The following KIFC3 variants were observed in gnomAD, a reference collection of about 807,000 sequenced individuals.
KIFC3 encodes the protein kinesin-like protein KIFC3.
In KIFC3, 60 loss-of-function variants were observed where a neutral mutation model predicts 101.8. The observed-to-expected ratio is 0.59, with a 90% CI of 0.48 to 0.73. The LOEUF is 0.73. Ranked by LOEUF, KIFC3 falls within the 30% of genes least tolerant of loss-of-function variation. The pLI, the probability that KIFC3 is intolerant of heterozygous loss-of-function variation, is 0.00. For missense variants in KIFC3, 966 were observed against 1,137.1 expected (o/e 0.85, Z 2.16); for synonymous variants, 476 against 482.7 (o/e 0.99, Z 0.18).
chr16:57,791,578 C>T (rs1289822788), intron 3 of KIFC3, among the ~76,000 whole-genome samples: 1 of 152,174 alleles, frequency 6.6e-6, no homozygotes, highest in African/African-American at 2.4e-5. Context: ...AAGCACCTAC[C>T]GCATAATGGA....
In KIFC3 at chr16:57,770,592, C is replaced by A; in HGVS notation, c.874G>T (p.Val292Leu). 1 of 1,530,992 alleles carries A rather than the reference C, an allele frequency of 6.5e-7. No homozygotes were observed. The highest frequency in any genetic ancestry group is 8.8e-7 in the Non-Finnish European group (1 of 1,137,854). The allele number at this position is 1,530,992 out of a possible 1,614,324, so 94.8% of individuals were successfully genotyped here. A position where few individuals can be genotyped will look rare whatever the true frequency, so the allele number is the denominator to read the frequency against. Residue 292 changes from valine to leucine, a missense_variant, in exon 7 of 20, where the codon GTG (valine) becomes TTG (leucine). By Grantham distance (32) the Val-to-Leu change is conservative. Around this residue, in one of 2 missense-constraint regions of KIFC3, gnomAD observed 689 missense variants for 884.6 expected, o/e 0.78. Transcript: ENST00000445690. Reference protein sequence around the residue: ...LQEQVAMQRQVLKEMEQQLQS... With the variant: ...LQEQVAMQRQLLKEMEQQLQS... The stretch of plus-strand genomic sequence containing the variant: ...AGCTGCTGTTCCATCTCCTTCAGCA[C>A]CTGCCTCTGCATAGCCACCTGCTCC...
chr16:57,832,052 G>A (rs568312422), intron 1 of KIFC3, among the ~76,000 whole-genome samples: 3 of 151,994 alleles, frequency 2.0e-5, no homozygotes, highest in East Asian at 1.9e-4. Flanking sequence ...ACAGAGTCTC[G>A]TTCTGTCACC....
upstream of KIFC3, among the ~76,000 whole-genome samples, chr16:57,808,116 T>G (rs2054984394): frequency 6.6e-6 from 1 of 152,134 alleles, no homozygotes; most frequent in Non-Finnish European, 1.5e-5. Context: ...AGGAGGAATT[T>G]GGCGGAGATT....
intron 1 of KIFC3, among the ~76,000 whole-genome samples, chr16:57,799,473 C>T (rs2054583351): frequency 1.3e-5 from 2 of 152,188 alleles, no homozygotes; most frequent in African/African-American, 4.8e-5. Context: ...TCCACCTCCC[C>T]TGACCCACTA....
chr16:57,822,340 C>G (rs782359837), intron 1 of KIFC3, among the ~76,000 whole-genome samples: 2 of 152,186 alleles, frequency 1.3e-5, no homozygotes, highest in Non-Finnish European at 2.9e-5. Flanking sequence ...AGTAGCTGCT[C>G]AATACATGGG....
In KIFC3 at chr16:57,772,490, G is replaced by A. The variant is rs565040703; in HGVS notation, c.316-202C>T. On this transcript the variant is annotated intron_variant, in intron 3 of 19. Coordinates refer to ENST00000445690, the MANE Select transcript of KIFC3 (RefSeq NM_001130100.2). ...CCTGGGCTGGTGCTGACAGCCTCCC[G>A]CACCCTCTCCCTCCACAGGACAGAG... is the stretch of plus-strand genomic sequence containing the variant. The A allele has an allele frequency of 5.0e-5, 26 of 521,840 alleles. 1 individual carries two copies. The East Asian group carries it at 6.0e-4, about 12-fold the overall frequency. 32.3% of individuals were successfully genotyped at this position (521,840 alleles called of 1,614,324 possible).
chr16:57,759,019 A>T (rs2049471726), intron 19 of KIFC3, 106 bp downstream of exon 19: 1 of 1,528,910 alleles, frequency 6.5e-7, no homozygotes. Context: ...GACAAGCGAC[A>T]GCAGGGGCTA....
chr16:57,793,760 C>T (rs1254987796), intron 3 of KIFC3, among the ~76,000 whole-genome samples: 1 of 148,974 alleles, frequency 6.7e-6, no homozygotes, highest in African/African-American at 2.5e-5. Context: ...ACCCGGGAGG[C>T]GGATATTACA....
chr16:57,860,060 A>T (rs150011967), intron 1 of KIFC3, among the ~76,000 whole-genome samples: 63 of 128,558 alleles, frequency 4.9e-4, no homozygotes, highest in Non-Finnish European at 5.8e-4. Context: ...AATAAAATAA[A>T]ATAAAATAAA....
chr16:57,814,051 C>T (rs1555628311), intron 1 of KIFC3, among the ~76,000 whole-genome samples: 2 of 152,162 alleles, frequency 1.3e-5, no homozygotes. Context: ...CTCTCAAGGG[C>T]ACAGTCAATG....
At chr16:57,780,926 C>T (rs1414784916) in intron 3 of KIFC3, among the ~76,000 whole-genome samples, 2 of 151,936 alleles carry the variant, frequency 1.3e-5, no homozygotes, top group East Asian at 1.9e-4. Context: ...CTGCCCACCT[C>T]GGCCTCCCAA....
At chr16:57,857,458 A>T (rs2056195777) in intron 1 of KIFC3, among the ~76,000 whole-genome samples, 1 of 150,918 alleles carries the variant, frequency 6.6e-6, no homozygotes, top group African/African-American at 2.4e-5. Context: ...CAGGTTTGTT[A>T]CATAGGTATA....
In KIFC3 at chr16:57,771,603, G is replaced by A. The variant is rs781848371; in HGVS notation, c.465C>T (p.Ala155=). The change falls in exon 5 of 20, where the codon GCC becomes GCT. Residue 155 remains alanine (A), a synonymous_variant. Coordinates refer to ENST00000445690, the MANE Select transcript of KIFC3 (RefSeq NM_001130100.2). ...GCTTTGTGCGCAGCTCTTGCAGCTC[G>A]GCCTCACAGCGCCGCATCTCCTGCC... ...RLRQEMRRCE[A]ELQELRTKPA... 1.5e-5 allele frequency: 24 copies of A among 1,613,306 alleles called. No homozygotes were observed. In the East Asian group the frequency reaches 2.7e-4, roughly 18 times the overall value.
intron 1 of KIFC3, among the ~76,000 whole-genome samples, chr16:57,840,324 C>T (rs1233927891): frequency 1.3e-5 from 2 of 151,760 alleles, no homozygotes; most frequent in Non-Finnish European, 2.9e-5. Context: ...AGTGACAGAG[C>T]AAGACTCTGT....
At chr16:57,809,054 G>A (rs1292854805) in intron 1 of KIFC3, among the ~76,000 whole-genome samples, 1 of 152,192 alleles carries the variant, frequency 6.6e-6, no homozygotes, top group Admixed American at 6.5e-5. Context: ...CTTCTTGGAA[G>A]GCAGAGGTGG....
chr16:57,782,388 A>G (rs576395179), intron 3 of KIFC3: 1 of 152,604 alleles, frequency 6.6e-6, no homozygotes, highest in South Asian at 2.1e-4. Flanking sequence ...CCACAGCAAC[A>G]CCAATGACTC....
chr16:57,855,123 T>TC lies in KIFC3; in HGVS notation c.108+7605_108+7606insG, dbSNP rs1416004273. 5.6e-4 allele frequency among the ~76,000 whole-genome samples: 62 copies of TC among 111,310 alleles called. 2 individuals are homozygous for TC. The highest frequency in any genetic ancestry group is 2.9e-3 in the East Asian group (13 of 4,488). The allele number at this position is 111,310 out of a possible 152,430, so 73.0% of individuals were successfully genotyped here. ...GTTCCCCCTCCCCATTTCTTTCTTT[T>TC]TTTTTTTTTTTTTTTTTTTTAGACA... On this transcript the variant is annotated intron_variant, in intron 1 of 2. Coordinates refer to the KIFC3 transcript ENST00000563028.
intron 2 of KIFC3, chr16:57,797,810 T>C (rs782508148): frequency 2.2e-5 from 31 of 1,378,904 alleles, no homozygotes; most frequent in African/African-American, 3.0e-5. Context: ...ATGCAGCTGA[T>C]TCCCCCTGCT....
chr16:57,763,618 C>T (rs1161856207), intron 12 of KIFC3, among the ~76,000 whole-genome samples: 1 of 152,190 alleles, frequency 6.6e-6, no homozygotes, highest in African/African-American at 2.4e-5. Flanking sequence ...CTCCACCACA[C>T]CTGGGAGGGT....
Sources: gnomAD v4.1 joint callset for allele counts (sites outside exome capture counted in the v4.1 genomes callset) on GRCh38, gnomAD v4.1.1 for gene constraint, gnomAD v4.1.1 regional missense constraint, MANE v1.5 for transcripts, NCBI Gene and HGNC (gene_info 2026-07-23, HGNC 2026-07-21) for gene names.